The following ZFYVE26 variants were observed in gnomAD, a reference collection of about 807,000 sequenced individuals.
ZFYVE26 encodes zinc finger FYVE-type containing 26.
In ZFYVE26, 181 loss-of-function variants were observed where a neutral mutation model predicts 276.5. The ratio of observed to expected loss-of-function variants is 0.65; its 90% CI spans 0.58 to 0.74. ZFYVE26 has a LOEUF of 0.74. Ranked by LOEUF, ZFYVE26 falls within the 30% of genes least tolerant of loss-of-function variation. The pLI, the probability that ZFYVE26 is intolerant of heterozygous loss-of-function variation, is 0.00. For missense variants in ZFYVE26, 2,821 were observed against 3,097.9 expected (o/e 0.91, Z 2.12); for synonymous variants, 1,129 against 1,203.1 (o/e 0.94, Z 1.27).
At chr14:67,757,320 C>T (rs2038804055) in intron 35 of ZFYVE26, among the ~76,000 whole-genome samples, 1 of 152,240 alleles carries the variant, frequency 6.6e-6, no homozygotes, top group Non-Finnish European at 1.5e-5. Flanking sequence ...CTCACAATGT[C>T]CACAAGGTCC....
rs768915239 is a variant in ZFYVE26, at chr14:67,798,008, T to C, written c.2248+6A>G. The stretch of plus-strand genomic sequence containing the variant: ...TCTGGTCCCACCAGTTCCACCCTTC[T>C]CTCACCTGAACGATGGTTGCTTGTC... On this transcript the variant is annotated splice_donor_region_variant and intron_variant, in intron 11 of 41. Coordinates refer to ENST00000347230, the MANE Select transcript of ZFYVE26 (RefSeq NM_015346.4). The C allele has an allele frequency of 6.2e-7, 1 of 1,614,096 alleles. No individual in the cohort carries two copies. The highest frequency in any genetic ancestry group is 8.5e-7 in the Non-Finnish European group (1 of 1,180,020).
chr14:67,802,315 GAGTT>G (rs767155665), intron 9 of ZFYVE26, 33 bp from the exon 10 acceptor site: 6 of 1,608,570 alleles, frequency 3.7e-6, no homozygotes, highest in Non-Finnish European at 5.1e-6. Flanking sequence ...CTGAACTTGA[GAGTT>G]AATTAATTCA....
At position 67,729,794 on chromosome 14, in the gene ZFYVE26, C is replaced by T. The variant is rs146832642; in HGVS notation, n.2705G>A. 44 of 497,444 alleles carry T rather than the reference C, an allele frequency of 8.8e-5. No homozygotes were observed. The East Asian group carries it at 2.4e-3, about 27-fold the overall frequency. 30.8% of individuals were successfully genotyped at this position (497,444 alleles called of 1,614,324 possible). On this transcript the variant is annotated non_coding_transcript_exon_variant, in exon 14 of 15. Transcript: ENST00000394455. Reference sequence around the variant, plus strand: ...TCTCTCTTCGGTGTGAACTCTGTCCCTCAATGCTGCCAAGATTGGCACTAT... The same window carrying T: ...TCTCTCTTCGGTGTGAACTCTGTCCTTCAATGCTGCCAAGATTGGCACTAT...
rs886050647 is a variant in ZFYVE26 at position 67,747,650 on chromosome 14, A to G, written c.*786T>C. On this transcript the variant is annotated 3_prime_UTR_variant, in exon 42 of 42. Transcript: ENST00000347230. ...GTGCTTGTGAGCACCCGCTCCCCCC[A>G]CCACCCCCCACCGCCTCCCCTGTAT... 1.6e-5 allele frequency: 1 copy of G among 60,962 alleles called. No individual in the cohort carries two copies. Among genetic ancestry groups the G allele is most frequent in the African/African-American group, 6.2e-5 (1 of 16,022 alleles). The allele number at this position is 60,962 out of a possible 1,614,324, so 3.8% of individuals were successfully genotyped here.
At chr14:67,739,423 C>T (rs2038389263) in intron 13 of ZFYVE26, among the ~76,000 whole-genome samples, 1 of 152,136 alleles carries the variant, frequency 6.6e-6, no homozygotes, top group Non-Finnish European at 1.5e-5. Context: ...AATAAATTGA[C>T]CTTATTAAGT....
chr14:67,767,883 A>C, intron 30 of ZFYVE26, 43 bp from the exon 31 acceptor site: 1 of 1,613,856 alleles, frequency 6.2e-7, no homozygotes, highest in East Asian at 2.2e-5. Context: ...ACTGGCTGGC[A>C]GTTCAGTCTA....
intron 36 of ZFYVE26, among the ~76,000 whole-genome samples, chr14:67,755,698 T>C (rs746628374): frequency 9.9e-5 from 15 of 152,236 alleles, no homozygotes; most frequent in Non-Finnish European, 1.9e-4. Context: ...TTTATTTCTT[T>C]TTTTTACCTG....
intron 27 of ZFYVE26, among the ~76,000 whole-genome samples, chr14:67,773,036 G>A (rs1233337395): frequency 1.3e-5 from 2 of 152,126 alleles, no homozygotes; most frequent in African/African-American, 4.8e-5. Flanking sequence ...TAGATCTTGA[G>A]TCTGGAAAAA....
Position 67,785,882 on chromosome 14 carries a change from G to A in ZFYVE26, c.3280C>T (p.Leu1094=), listed in dbSNP as rs780684641. Residue 1094 remains leucine (L), a synonymous_variant, in exon 18 of 42, where the codon CTG becomes TTG. Transcript: ENST00000347230. ...SQQLDQVLQS[L]REALELPEPR... ...CCTGGCAGCTCTAGTGCCTCTCTCA[G>A]TGACTGAAGGACCTGATCTAGCTGC... 1.2e-5 allele frequency: 20 copies of A among 1,614,004 alleles called. No individual in the cohort carries two copies. In the Admixed American group the frequency reaches 2.0e-4, roughly 16 times the overall value.
chr14:67,729,424 G>T, exon 14 of ZFYVE26: 1 of 1,567,196 alleles, frequency 6.4e-7, no homozygotes, highest in Non-Finnish European at 8.7e-7. Flanking sequence ...TGTGTGCATG[G>T]GAGGTGCCGG....
At chr14:67,735,274 C>G (rs1181566716) in intron 13 of ZFYVE26, 1 of 989,632 alleles carries the variant, frequency 1.0e-6, no homozygotes, top group South Asian at 1.3e-5. Flanking sequence ...CCTTCAGAAT[C>G]GCCTCGTGCT....
intron 2 of ZFYVE26, among the ~76,000 whole-genome samples, chr14:67,814,715 A>C (rs1437762125): frequency 6.6e-6 from 1 of 152,224 alleles, no homozygotes; most frequent in East Asian, 1.9e-4. Flanking sequence ...CAGTCTTAAA[A>C]AAGGAACTTC....
chr14:67,791,242 T>C (rs2039805843), intron 14 of ZFYVE26, among the ~76,000 whole-genome samples: 1 of 152,204 alleles, frequency 6.6e-6, no homozygotes, highest in South Asian at 2.1e-4. Flanking sequence ...ATGAGGAACT[T>C]TCTTAAAAAA....
Position 67,762,370 on chromosome 14 carries a change from C to A in ZFYVE26, c.6202G>T (p.Ala2068Ser), listed in dbSNP as rs370724695. 1.2e-6 allele frequency: 2 copies of A among 1,614,090 alleles called. No homozygotes were observed. Among genetic ancestry groups the A allele is most frequent in the African/African-American group, 2.7e-5 (2 of 74,938 alleles). Reference protein sequence around the residue: ...TGLDTTGAWHAWGMACLKAGN... With the variant: ...TGLDTTGAWHSWGMACLKAGN... ...GCTTTGAGGCAGGCCATGCCCCAAG[C>A]ATGCCACGCCCCGGTGGTATCAAGC... Residue 2068 changes from alanine (A) to serine (S), a missense_variant, in exon 34 of 42, where the codon GCT becomes TCT. Ala to Ser is a moderately conservative substitution (Grantham distance 99). Coordinates refer to ENST00000347230, the MANE Select transcript of ZFYVE26 (RefSeq NM_015346.4).
chr14:67,741,990 G>C (rs1007670599), downstream of ZFYVE26, among the ~76,000 whole-genome samples: 15 of 152,190 alleles, frequency 9.9e-5, no homozygotes, highest in Admixed American at 9.2e-4. Flanking sequence ...TCCCTGTCTA[G>C]TGAAGAACAA....
Position 67,754,136 on chromosome 14 carries a change from T to C in ZFYVE26, c.7063A>G (p.Ile2355Val). Residue 2355 changes from isoleucine to valine, a missense_variant, in exon 38 of 42, where the codon ATC (isoleucine) becomes GTC (valine). Transcript: ENST00000347230. ...AGGGTTGGCAGAGGCAAAGTGGTGA[T>C]TTGAGAGGTCCCAGCACTTTCGCAC... is the stretch of plus-strand genomic sequence containing the variant. ...HRCESAGTSQ[I>V]TTLPLPTLFG... 6.2e-7 allele frequency: 1 copy of C among 1,614,250 alleles called. No homozygotes were observed. Among genetic ancestry groups the C allele is most frequent in the Non-Finnish European group, 8.5e-7 (1 of 1,180,040 alleles).
At chr14:67,737,088 C>CTTTTTT (rs71129855) in intron 13 of ZFYVE26, among the ~76,000 whole-genome samples, 124 of 104,752 alleles carry the variant, frequency 1.2e-3, no homozygotes, top group East Asian at 3.8e-3. Context: ...TTTTTCTTTT[C>CTTTTTT]TTTTTTTTTT....
Position 67,805,587 on chromosome 14 carries a change from T to C in ZFYVE26, c.1049A>G (p.Asp350Gly). The C allele has an allele frequency of 1.2e-6, 2 of 1,614,180 alleles. No individual in the cohort carries two copies. Among genetic ancestry groups the C allele is most frequent in the Non-Finnish European group, 1.7e-6 (2 of 1,180,026 alleles). The change falls in exon 7 of 42, where the codon GAC becomes GGC. Residue 350 changes from aspartate (D) to glycine (G), a missense_variant. Transcript: ENST00000347230. The stretch of plus-strand genomic sequence containing the variant: ...AAGTAGGCAGCCAAGATTTGGGAAG[T>C]CTTCTTCTTTCAACAATGTTAGTGC... ...VTALTLLKEE[D>G]FPNLGCLLDR...
exon 14 of ZFYVE26, chr14:67,729,224 G>C: frequency 1.2e-6 from 2 of 1,611,848 alleles, no homozygotes; most frequent in Non-Finnish European, 1.7e-6. Context: ...GTGCACCCAG[G>C]CGTCGTCCGC....
Sources: allele counts gnomAD v4.1 joint callset (sites outside exome capture counted in the v4.1 genomes callset), GRCh38; gene constraint gnomAD v4.1.1; transcripts MANE v1.5; gene names NCBI Gene and HGNC (gene_info 2026-07-23, HGNC 2026-07-21).